NPHP4: variants seen among roughly 807,000 people sequenced by gnomAD.
NPHP4 encodes nephrocystin-4.
A neutral mutation model predicts 155.8 loss-of-function variants in NPHP4; 151 were observed. The observed-to-expected ratio is 0.97, with a 90% CI of 0.85 to 1.11. The LOEUF is 1.11. NPHP4 is among the 50% of genes least tolerant of loss of function. NPHP4 has a pLI of 0.00. For missense variants in NPHP4, 1,956 were observed against 1,925.7 expected, an observed-to-expected ratio of 1.02 and a Z score of -0.29; for synonymous variants, 845 against 816.8, an observed-to-expected ratio of 1.03 and a Z score of -0.59.
rs1219610853 is a variant in NPHP4, at chr1:5,969,233, GT to G, written c.305del (p.Asn102ThrfsTer76). ...CCACCACAGCCACGATATGAGGGTG[GT>G]TTAGGGATGTGTGAAAATACAAGGG... is the stretch of plus-strand genomic sequence containing the variant. Reference protein sequence around the residue: ...NEPLYFHTSLNHPHIVAVVEV... With the variant: ...NEPLYFHTSLXHPHIVAVVEV... On this transcript the variant is annotated frameshift_variant, in exon 4 of 30. Transcript: ENST00000378156. LOFTEE classifies it high-confidence loss of function. 3 of 1,569,180 alleles carry G rather than the reference GT, an allele frequency of 1.9e-6. No homozygotes were observed. Among genetic ancestry groups the G allele is most frequent in the Non-Finnish European group, 1.7e-6 (2 of 1,151,212 alleles).
chr1:5,885,880 G>A (rs965409457), intron 18 of NPHP4, among the ~76,000 whole-genome samples: 1 of 152,222 alleles, frequency 6.6e-6, no homozygotes, highest in African/African-American at 2.4e-5. Flanking sequence ...GCACTGATGC[G>A]CAGAGTGCTG....
At chr1:5,902,651 C>A (rs867529814) in intron 16 of NPHP4, among the ~76,000 whole-genome samples, 1 of 152,290 alleles carries the variant, frequency 6.6e-6, no homozygotes, top group South Asian at 2.1e-4. Context: ...CCCAAAACTT[C>A]TTAAGTTGAA....
intron 4 of NPHP4, among the ~76,000 whole-genome samples, chr1:5,967,830 G>T (rs1241477363): frequency 1.3e-5 from 2 of 152,096 alleles, no homozygotes; most frequent in Admixed American, 6.5e-5. Context: ...CAGGGATGCT[G>T]ATAAACATCC....
At chr1:5,894,434 A>G (rs1310324163) in intron 16 of NPHP4, among the ~76,000 whole-genome samples, 1 of 151,130 alleles carries the variant, frequency 6.6e-6, no homozygotes, top group Non-Finnish European at 1.5e-5. Context: ...TGGGCTACAG[A>G]GCAAGACCCA....
At chr1:5,942,118 G>A (rs1431817152) in intron 9 of NPHP4, among the ~76,000 whole-genome samples, 3 of 152,178 alleles carry the variant, frequency 2.0e-5, no homozygotes, top group Non-Finnish European at 4.4e-5. Context: ...ACGTCTGGAT[G>A]TGGGACCCAA....
At chr1:5,933,722 G>A (rs1338089522) in intron 9 of NPHP4, among the ~76,000 whole-genome samples, 2 of 152,296 alleles carry the variant, frequency 1.3e-5, no homozygotes, top group East Asian at 3.9e-4. Context: ...AATCCGTCAG[G>A]AAAATACTAG....
At chr1:5,922,717 C>T (rs570442113) in intron 11 of NPHP4, among the ~76,000 whole-genome samples, 4 of 150,648 alleles carry the variant, frequency 2.7e-5, no homozygotes, top group East Asian at 1.9e-4. Flanking sequence ...TAGCCGGGCA[C>T]GGTGGCACTG....
rs747582558 is a variant in NPHP4, at chr1:5,890,943, G to A, written c.2229C>T (p.Ala743=). The A allele has an allele frequency of 3.7e-6, 6 of 1,606,168 alleles. No homozygotes were observed. Among genetic ancestry groups the A allele is most frequent in the African/African-American group, 1.3e-5 (1 of 74,806 alleles). Reference sequence around the variant, plus strand: ...AGACGTCAATCTGCAGGGTCTGCACGGCCAGGTAGCGGGCAAAGCAGCGCC... The same window carrying A: ...AGACGTCAATCTGCAGGGTCTGCACAGCCAGGTAGCGGGCAAAGCAGCGCC... ...GERRCFARYL[A]VQTLQIDVWD... is the part of the protein sequence containing the mutation. The change falls in exon 17 of 30, where the codon GCC becomes GCT. Residue 743 remains alanine, a synonymous_variant. Transcript: ENST00000378156. The surrounding 1 kb of genome is among the most constrained non-coding windows in gnomAD (Gnocchi z 4.9).
intron 19 of NPHP4, 33 bp from the exon 20 acceptor site, chr1:5,877,331 C>A: frequency 6.5e-7 from 1 of 1,539,918 alleles, no homozygotes; most frequent in Non-Finnish European, 8.8e-7. Flanking sequence ...GTCAGGTAGA[C>A]GTGCAGTGTC....
chr1:5,989,809 G>T (rs1020837812), intron 1 of NPHP4, among the ~76,000 whole-genome samples: 2 of 152,192 alleles, frequency 1.3e-5, no homozygotes, highest in African/African-American at 4.8e-5. Context: ...GCCACACTTG[G>T]CCCAAGGACA....
intron 9 of NPHP4, among the ~76,000 whole-genome samples, chr1:5,942,891 G>A (rs1646898626): frequency 6.6e-6 from 1 of 152,180 alleles, no homozygotes; most frequent in East Asian, 1.9e-4. Context: ...TCAGGAGGAT[G>A]CCCGCTTATT....
At chr1:5,940,009 A>G (rs1646741978) in intron 9 of NPHP4, among the ~76,000 whole-genome samples, 1 of 152,168 alleles carries the variant, frequency 6.6e-6, no homozygotes, top group Non-Finnish European at 1.5e-5. Context: ...AACAGGCAGA[A>G]AGCATCCCAC....
chr1:5,867,679 G>GTAGA lies in NPHP4; in HGVS notation c.3472+60_3472+61insTCTA, dbSNP rs1226041451. ...TGAGGCCATCTGTCACCCTCAAGAG[G>GTAGA]TATCTACTTCCAACAGGTGAGCCTG... On this transcript the variant is annotated intron_variant, in intron 24 of 29. Coordinates refer to ENST00000378156, the MANE Select transcript of NPHP4 (RefSeq NM_015102.5). The surrounding 1 kb of genome is among the most constrained non-coding windows in gnomAD (Gnocchi z 4.1). 2 of 1,562,732 alleles carry GTAGA rather than the reference G, an allele frequency of 1.3e-6. No individual in the cohort carries two copies. The highest frequency in any genetic ancestry group is 1.7e-6 in the Non-Finnish European group (2 of 1,147,930).
intron 4 of NPHP4, 116 bp downstream of exon 4, chr1:5,968,971 G>C: frequency 1.6e-6 from 1 of 631,080 alleles, no homozygotes; most frequent in South Asian, 2.6e-5. Context: ...AGGTTGCAGT[G>C]AGCCGACATT....
intron 9 of NPHP4, among the ~76,000 whole-genome samples, chr1:5,945,234 A>T (rs555206737): frequency 2.0e-5 from 3 of 150,762 alleles, no homozygotes; most frequent in Non-Finnish European, 4.4e-5. Flanking sequence ...TGGGAACCAC[A>T]CATCAGCCAT....
chr1:5,960,482 G>C (rs1650096292), intron 6 of NPHP4, among the ~76,000 whole-genome samples: 1 of 152,056 alleles, frequency 6.6e-6, no homozygotes, highest in Non-Finnish European at 1.5e-5. Flanking sequence ...CTTTTCTTCA[G>C]GGTCCAGAAT....
In NPHP4 at chr1:5,944,480, G is replaced by A. The variant is rs940484627; in HGVS notation, c.1119+2624C>T. Among the ~76,000 whole-genome samples, 2 of 152,172 alleles carry A rather than the reference G, an allele frequency of 1.3e-5. No homozygotes were observed. The highest frequency in any genetic ancestry group is 4.8e-5 in the African/African-American group (2 of 41,456). On this transcript the variant is annotated intron_variant, in intron 9 of 29. Transcript: ENST00000378156. This position sits in a 1 kb window ranked among gnomAD's most constrained non-coding sequence, Gnocchi z 4.3. ...CGCCATTGTGCCTTTCTCCTCTCACGTCCCGCTCAATTCCAGTTTCACCCG... is the reference window on the plus strand; with the variant it reads ...CGCCATTGTGCCTTTCTCCTCTCACATCCCGCTCAATTCCAGTTTCACCCG...
intron 23 of NPHP4, 39 bp downstream of exon 23, chr1:5,873,213 G>A (rs751350754): frequency 2.0e-6 from 3 of 1,537,800 alleles, no homozygotes; most frequent in Non-Finnish European, 2.7e-6. Flanking sequence ...GAATACCCAG[G>A]AAGCCCCGAG....
intron 22 of NPHP4, 190 bp from the exon 23 acceptor site, chr1:5,873,525 AAC>A: frequency 1.6e-6 from 1 of 619,106 alleles, no homozygotes. Context: ...GAACAAAGGG[AAC>A]AGCAGATCCC....
Sources: gnomAD v4.1 joint callset for allele counts (sites outside exome capture counted in the v4.1 genomes callset) on GRCh38, gnomAD v4.1.1 for gene constraint, Gnocchi (gnomAD v3.1) non-coding constraint, MANE v1.5 for transcripts, NCBI Gene and HGNC (gene_info 2026-07-23, HGNC 2026-07-21) for gene names.